Variants in FHIT observed in about 807,000 individuals in gnomAD.
FHIT encodes the protein fragile histidine triad diadenosine triphosphatase.
Under a neutral mutation model 17.9 loss-of-function variants are expected in FHIT, and 19 were observed. The ratio of observed to expected loss-of-function variants is 1.06; its 90% CI spans 0.74 to 1.56. The LOEUF is 1.56. Ranked by LOEUF, FHIT falls within the 40% of genes most tolerant of loss-of-function variation. FHIT has a pLI of 0.00. For missense variants in FHIT, 248 were observed against 189.2 expected, an observed-to-expected ratio of 1.31 and a Z score of -1.82; for synonymous variants, 81 against 69.7, an observed-to-expected ratio of 1.16 and a Z score of -0.81.
chr3:60,200,671 G>GGA (rs555986652), intron 5 of FHIT, among the ~76,000 whole-genome samples: 9 of 146,050 alleles, frequency 6.2e-5, no homozygotes, highest in African/African-American at 2.0e-4. Flanking sequence ...GCTTTTGGGG[G>GGA]AAAAAAAAAA....
At chr3:60,930,292 G>C (rs1707878300) in intron 3 of FHIT, among the ~76,000 whole-genome samples, 1 of 152,162 alleles carries the variant, frequency 6.6e-6, no homozygotes, top group Non-Finnish European at 1.5e-5. Context: ...ATACCATTTA[G>C]GACATAGGCA....
At chr3:60,741,631 T>C (rs2042243654) in intron 4 of FHIT, among the ~76,000 whole-genome samples, 1 of 152,230 alleles carries the variant, frequency 6.6e-6, no homozygotes, top group Non-Finnish European at 1.5e-5. Context: ...TCAAGTCCAG[T>C]TTCGACTCTG....
intron 2 of FHIT, among the ~76,000 whole-genome samples, chr3:61,072,197 T>G (rs929271983): frequency 2.0e-5 from 3 of 152,146 alleles, no homozygotes; most frequent in Non-Finnish European, 4.4e-5. Context: ...TCCTATCCGA[T>G]AGTTATTTCT....
intron 4 of FHIT, among the ~76,000 whole-genome samples, chr3:60,727,137 A>G (rs1338127393): frequency 6.6e-6 from 1 of 152,318 alleles, no homozygotes; most frequent in Non-Finnish European, 1.5e-5. Context: ...AAACCATTAT[A>G]GAGAATGCAG....
chr3:61,060,797 A>G (rs1008046567), intron 2 of FHIT, among the ~76,000 whole-genome samples: 8 of 152,236 alleles, frequency 5.3e-5, no homozygotes, highest in African/African-American at 1.4e-4. Context: ...GTCAATGTCA[A>G]TCAGTCACTG....
chr3:60,885,596 G>A (rs1477040537), intron 3 of FHIT, among the ~76,000 whole-genome samples: 6 of 152,050 alleles, frequency 3.9e-5, no homozygotes, highest in African/African-American at 1.4e-4. Context: ...CCCAGCCAAG[G>A]TCTATGAAAC....
In FHIT at chr3:61,075,498, A is replaced by G. The variant is rs568158951; in HGVS notation, c.-163-33399T>C. On this transcript the variant is annotated intron_variant, in intron 2 of 9. Transcript: ENST00000492590. ...GAAATGATGGAAGATTAGGAAGACC[A>G]TTGCATAGAAACAAAATTAAAAAAA... Among the ~76,000 whole-genome samples, 6 of 152,264 alleles carry G rather than the reference A, an allele frequency of 3.9e-5. No homozygotes were observed. The South Asian group carries it at 1.2e-3, about 32-fold the overall frequency.
chr3:60,114,044 T>A (rs1265349080), intron 5 of FHIT, among the ~76,000 whole-genome samples: 11 of 26,372 alleles, frequency 4.2e-4, no homozygotes, highest in Non-Finnish European at 6.5e-4. Flanking sequence ...AAAATATATA[T>A]ATATATATAT....
At chr3:60,169,731 A>G (rs959310222) in intron 5 of FHIT, among the ~76,000 whole-genome samples, 2 of 152,206 alleles carry the variant, frequency 1.3e-5, no homozygotes, top group Admixed American at 6.5e-5. Context: ...AAGAGAAACC[A>G]GGTTCCCTGG....
At chr3:59,788,383 C>T (rs1312263266) in intron 8 of FHIT, among the ~76,000 whole-genome samples, 1 of 152,146 alleles carries the variant, frequency 6.6e-6, no homozygotes, top group African/African-American at 2.4e-5. Context: ...AGTACTTCCC[C>T]TGTCATCTCA....
chr3:60,406,234 TA>T (rs1380604497), intron 5 of FHIT, among the ~76,000 whole-genome samples: 29 of 152,172 alleles, frequency 1.9e-4, no homozygotes, highest in African/African-American at 6.3e-4. Flanking sequence ...ATAAAGGACA[TA>T]AAAGTGTTTA....
intron 5 of FHIT, among the ~76,000 whole-genome samples, chr3:60,062,267 C>G (rs964609846): frequency 6.6e-6 from 1 of 151,956 alleles, no homozygotes; most frequent in African/African-American, 2.4e-5. Flanking sequence ...TGAGGAGATG[C>G]TGAAACAATG....
Position 60,859,283 on chromosome 3 carries a change from C to T in FHIT, c.-110-37272G>A, listed in dbSNP as rs575343648. Among the ~76,000 whole-genome samples, 7 of 152,238 alleles carry T rather than the reference C, an allele frequency of 4.6e-5. No individual in the cohort carries two copies. The South Asian group carries it at 1.0e-3, about 23-fold the overall frequency. On this transcript the variant is annotated intron_variant, in intron 3 of 9. Transcript: ENST00000492590. ...GGCAAGGTATTCAACCTTTTTGAGT[C>T]TCAGCTATATCAGGTAAATTACTAT...
At chr3:60,881,100 A>G (rs1218811942) in intron 3 of FHIT, among the ~76,000 whole-genome samples, 2 of 152,216 alleles carry the variant, frequency 1.3e-5, no homozygotes, top group Non-Finnish European at 2.9e-5. Context: ...AGGAATAGAA[A>G]AAGATACTCC....
At position 60,056,427 on chromosome 3, in the gene FHIT, C is replaced by T. The variant is rs74723650; in HGVS notation, c.104-42275G>A. On this transcript the variant is annotated intron_variant, in intron 5 of 9. Transcript: ENST00000492590. ...TTTTGCTATTTGCACCACCCTGTCC[C>T]GATTCTATTGTTTGCAGTAAGTTTT... 9.5e-3 allele frequency among the ~76,000 whole-genome samples: 1,450 copies of T among 152,284 alleles called. 18 individuals are homozygous for T. Among genetic ancestry groups the T allele is most frequent in the African/African-American group, 0.033 (1,382 of 41,552 alleles).
chr3:61,196,476 T>G (rs190509453), intron 2 of FHIT, among the ~76,000 whole-genome samples: 52 of 152,324 alleles, frequency 3.4e-4, no homozygotes, highest in African/African-American at 1.0e-3. Flanking sequence ...AAATGTCCAT[T>G]TCTTAAAAGT....
At chr3:60,847,283 T>C (rs1702960601) in intron 3 of FHIT, among the ~76,000 whole-genome samples, 1 of 152,196 alleles carries the variant, frequency 6.6e-6, no homozygotes, top group Non-Finnish European at 1.5e-5. Flanking sequence ...CCTGCACCTT[T>C]TCTTTCCAAG....
chr3:60,458,622 A>G (rs1319787825), intron 5 of FHIT, among the ~76,000 whole-genome samples: 2 of 152,166 alleles, frequency 1.3e-5, no homozygotes, highest in East Asian at 3.9e-4. Context: ...TCACCGTTAT[A>G]TATTTCAGGC....
intron 5 of FHIT, among the ~76,000 whole-genome samples, chr3:60,431,864 G>A (rs1035354421): frequency 1.3e-5 from 2 of 152,062 alleles, no homozygotes; most frequent in African/African-American, 2.4e-5. Flanking sequence ...TGCCCCATGT[G>A]TGTATCCGTG....
Sources: gnomAD v4.1 joint callset for allele counts (sites outside exome capture counted in the v4.1 genomes callset) on GRCh38, gnomAD v4.1.1 for gene constraint, MANE v1.5 for transcripts, NCBI Gene and HGNC (gene_info 2026-07-23, HGNC 2026-07-21) for gene names.